ZNF680: variants seen among roughly 807,000 people sequenced by gnomAD.
ZNF680 encodes zinc finger protein 680, also known as hypothetical protein FLJ90430.
In ZNF680, 6 loss-of-function variants were observed where a neutral mutation model predicts 12.1. The observed-to-expected ratio is 0.49, with a 90% CI of 0.27 to 0.98. The LOEUF (loss-of-function observed/expected upper bound fraction) is 0.98, where lower values mean the gene tolerates loss of function less well. ZNF680 is among the 50% of genes least tolerant of loss of function. The pLI is 0.12. For missense variants in ZNF680, 561 were observed against 616.3 expected, an observed-to-expected ratio of 0.91 and a Z score of 0.95; for synonymous variants, 170 against 199.3, an observed-to-expected ratio of 0.85 and a Z score of 1.24.
chr7:64,501,254 C>T, the ZNF680 span: 1 of 906,940 alleles, frequency 1.1e-6, no homozygotes, highest in Non-Finnish European at 1.8e-6. Flanking sequence ...CATTTTCCTC[C>T]TCCTCCTCCT....
At chr7:64,508,123 G>T in the ZNF680 span, among the ~76,000 whole-genome samples, 5 of 117,662 alleles carry the variant, frequency 4.2e-5, no homozygotes, top group East Asian at 1.2e-3. Flanking sequence ...ATTTTAAAAT[G>T]TATATATATA....
chr7:64,554,049 C>A (rs533395421), intron 1 of ZNF680, among the ~76,000 whole-genome samples: 16 of 148,542 alleles, frequency 1.1e-4, no homozygotes, highest in African/African-American at 3.7e-4. Context: ...GCCGCCCATC[C>A]TCTGGGATGT....
At chr7:64,545,094 A>T (rs1238852379) in intron 1 of ZNF680, among the ~76,000 whole-genome samples, 1 of 151,578 alleles carries the variant, frequency 6.6e-6, no homozygotes, top group Admixed American at 6.6e-5. Flanking sequence ...CCCCATCTCT[A>T]CTAAAAAAAA....
chr7:64,523,125 CATT>C (rs1468005691), intron 3 of ZNF680, among the ~76,000 whole-genome samples: 3 of 151,948 alleles, frequency 2.0e-5, no homozygotes, highest in Non-Finnish European at 1.5e-5. Context: ...AATTCCTTAA[CATT>C]ATTATAATGG....
At chr7:64,541,767 G>A (rs1786515267) in intron 3 of ZNF680, among the ~76,000 whole-genome samples, 1 of 152,158 alleles carries the variant, frequency 6.6e-6, no homozygotes, top group Non-Finnish European at 1.5e-5. Flanking sequence ...CCACAGTCTG[G>A]GAGAGACCGT....
At chr7:64,548,815 G>A (rs7806288) in intron 1 of ZNF680, among the ~76,000 whole-genome samples, 34,198 of 151,720 alleles carry the variant, frequency 0.23, 4,036 homozygotes, top group South Asian at 0.28. Flanking sequence ...AGAGACTCAG[G>A]GTGATCCTAT....
At chr7:64,551,340 G>A (rs147867405) in intron 1 of ZNF680, among the ~76,000 whole-genome samples, 129 of 152,094 alleles carry the variant, frequency 8.5e-4, no homozygotes, top group African/African-American at 2.7e-3. Flanking sequence ...CCCAAGCGTT[G>A]GACTACAGCA....
chr7:64,534,494 C>A (rs1786053357), intron 3 of ZNF680, among the ~76,000 whole-genome samples: 1 of 152,088 alleles, frequency 6.6e-6, no homozygotes, highest in Non-Finnish European at 1.5e-5. Context: ...ATGATCATAT[C>A]AAAAAATCGT....
intron 1 of ZNF680, chr7:64,552,034 G>C (rs1447645697): frequency 6.6e-6 from 1 of 152,072 alleles, no homozygotes; most frequent in Non-Finnish European, 1.5e-5. Flanking sequence ...GGATTCTATT[G>C]GAATACATCA....
chr7:64,502,578 AGT>A, the ZNF680 span, among the ~76,000 whole-genome samples: 5 of 152,214 alleles, frequency 3.3e-5, no homozygotes, highest in African/African-American at 1.2e-4. Context: ...ATAGTGTTAT[AGT>A]GTTACGATTT....
At chr7:64,511,579 A>G in the ZNF680 span, among the ~76,000 whole-genome samples, 1 of 151,856 alleles carries the variant, frequency 6.6e-6, no homozygotes, top group Admixed American at 6.6e-5. Flanking sequence ...AATCTTCAGT[A>G]AAACAAACAA....
At chr7:64,537,771 CA>C (rs35573491) in intron 3 of ZNF680, among the ~76,000 whole-genome samples, 79,028 of 151,708 alleles carry the variant, frequency 0.52, 21,366 homozygotes, top group African/African-American at 0.61. Flanking sequence ...ACTAAAAATA[CA>C]AAAAACAATT....
rs1440742248 is a variant in ZNF680 at position 64,520,870 on chromosome 7, T to C, written c.*291A>G. 1 of 244,946 alleles carries C rather than the reference T, an allele frequency of 4.1e-6. No individual in the cohort carries two copies. Among genetic ancestry groups the C allele is most frequent in the Non-Finnish European group, 7.8e-6 (1 of 127,702 alleles). The allele number at this position is 244,946 out of a possible 1,614,324, so 15.2% of individuals were successfully genotyped here. A position where few individuals can be genotyped will look rare whatever the true frequency, so the allele number is the denominator to read the frequency against. On this transcript the variant is annotated 3_prime_UTR_variant, in exon 4 of 4. Transcript: ENST00000309683. ...TTTCTTTTGACAGTAATTGCATTTA[T>C]AATGCTTTTAATAAGTATAAACTCT...
chr7:64,525,586 C>T (rs1216377428), intron 3 of ZNF680: 1 of 263,224 alleles, frequency 3.8e-6, no homozygotes, highest in East Asian at 1.8e-4. Context: ...TTTAGCTTTG[C>T]AAGATAAAAA....
At chr7:64,508,121 A>ATGTATG in the ZNF680 span, among the ~76,000 whole-genome samples, 3 of 90,426 alleles carry the variant, frequency 3.3e-5, no homozygotes, top group African/African-American at 1.5e-4. Flanking sequence ...ATATTTTAAA[A>ATGTATG]TGTATATATA....
intron 3 of ZNF680, among the ~76,000 whole-genome samples, chr7:64,540,301 T>TC (rs1217961115): frequency 1.2e-4 from 15 of 121,596 alleles, no homozygotes; most frequent in African/African-American, 4.8e-4. Flanking sequence ...GGCTGATTTA[T>TC]CCTTTTTTTT....
At chr7:64,562,831 C>A in intron 1 of ZNF680, 94 bp downstream of exon 1, 1 of 1,450,104 alleles carries the variant, frequency 6.9e-7, no homozygotes, top group Non-Finnish European at 9.7e-7. Flanking sequence ...ATTTTGGAGC[C>A]CAGTGCTTGG....
At chr7:64,532,952 T>C (rs933182052) in intron 3 of ZNF680, among the ~76,000 whole-genome samples, 1 of 152,190 alleles carries the variant, frequency 6.6e-6, no homozygotes, top group Non-Finnish European at 1.5e-5. Context: ...GAAAAAGCAT[T>C]TGACAAAATC....
chr7:64,502,319 G>C, the ZNF680 span, among the ~76,000 whole-genome samples: 1 of 151,884 alleles, frequency 6.6e-6, no homozygotes, highest in South Asian at 2.1e-4. Context: ...CCGGATTTAC[G>C]GTTTTTATCA....
Sources: allele counts gnomAD v4.1 joint callset (sites outside exome capture counted in the v4.1 genomes callset), GRCh38; gene constraint gnomAD v4.1.1; transcripts MANE v1.5; gene names NCBI Gene and HGNC (gene_info 2026-07-23, HGNC 2026-07-21).